The following CLEC2D variants were observed in gnomAD, a reference collection of about 807,000 sequenced individuals.
CLEC2D encodes C-type lectin related f.
CLEC2D carries 16 observed loss-of-function variants against 20.0 expected under a neutral mutation model. The ratio of observed to expected loss-of-function variants is 0.80; its 90% confidence interval spans 0.54 to 1.22. The LOEUF is 1.22. CLEC2D is among the 50% of genes most tolerant of loss of function. The pLI is 0.00. For missense variants in CLEC2D, 207 were observed against 221.5 expected, an observed-to-expected ratio of 0.93 and a Z score of 0.42; for synonymous variants, 77 against 71.1, an observed-to-expected ratio of 1.08 and a Z score of -0.42.
Position 9,695,602 on chromosome 12 carries a change from G to T in CLEC2D, c.*728G>T. The T allele has an allele frequency of 1.9e-6, 3 of 1,550,744 alleles. No individual in the cohort carries two copies. The stretch of plus-strand genomic sequence containing the variant: ...GAATGACGAAGGCAGTCCAATTAAA[G>T]TAACACTGGCAACTTTGAAAATGTC... On this transcript the variant is annotated 3_prime_UTR_variant, in exon 5 of 5. Coordinates refer to ENST00000290855, the MANE Select transcript of CLEC2D (RefSeq NM_013269.6).
Position 9,695,777 on chromosome 12 carries a change from A to T in CLEC2D, c.*903A>T. ...GAGTCAGAAGATGAAGAAGAGGAGGATGTGAAACTCTTAAGTATATCTGGA... is the reference window on the plus strand; with the variant it reads ...GAGTCAGAAGATGAAGAAGAGGAGGTTGTGAAACTCTTAAGTATATCTGGA... On this transcript the variant is annotated 3_prime_UTR_variant, in exon 5 of 5. Transcript: ENST00000290855. 1 of 1,359,490 alleles carries T rather than the reference A, an allele frequency of 7.4e-7. No homozygotes were observed. The allele number at this position is 1,359,490 out of a possible 1,614,324, so 84.2% of individuals were successfully genotyped here. A position where few individuals can be genotyped will look rare whatever the true frequency, so the allele number is the denominator to read the frequency against.
intron 2 of CLEC2D, among the ~76,000 whole-genome samples, chr12:9,683,726 G>T (rs1374893839): frequency 3.3e-5 from 5 of 152,032 alleles, no homozygotes; most frequent in Non-Finnish European, 7.4e-5. Context: ...CTGTCCATTG[G>T]TCAATATATC....
intron 1 of CLEC2D, among the ~76,000 whole-genome samples, chr12:9,680,468 T>G (rs1865611359): frequency 6.6e-6 from 1 of 152,214 alleles, no homozygotes; most frequent in African/African-American, 2.4e-5. Context: ...ATAACACTAA[T>G]TTGACCTCTA....
intron 2 of CLEC2D, among the ~76,000 whole-genome samples, chr12:9,687,168 C>T (rs1201701701): frequency 6.6e-6 from 1 of 152,128 alleles, no homozygotes; most frequent in Admixed American, 6.5e-5. Flanking sequence ...AATAATTATA[C>T]AACTCACCAT....
chr12:9,679,388 C>G (rs1031718509), intron 1 of CLEC2D, among the ~76,000 whole-genome samples: 1 of 152,018 alleles, frequency 6.6e-6, no homozygotes. Context: ...CAAGTTATCT[C>G]AATGTTTCTC....
chr12:9,677,005 C>T (rs117869546), intron 1 of CLEC2D, among the ~76,000 whole-genome samples: 2,882 of 151,580 alleles, frequency 0.019, 39 homozygotes, highest in Non-Finnish European at 0.029. Flanking sequence ...TGTGTCCTTC[C>T]TCTTTTCTTC....
intron 1 of CLEC2D, among the ~76,000 whole-genome samples, chr12:9,679,305 A>G (rs1433754804): frequency 1.3e-5 from 2 of 152,110 alleles, no homozygotes; most frequent in Non-Finnish European, 2.9e-5. Flanking sequence ...TCTAACCTGT[A>G]TAATTCTCTT....
intron 1 of CLEC2D, among the ~76,000 whole-genome samples, chr12:9,677,878 C>T (rs1012882544): frequency 6.6e-5 from 10 of 152,062 alleles, no homozygotes; most frequent in Non-Finnish European, 1.3e-4. Context: ...GCAAATACCA[C>T]CACACTTGGC....
intron 1 of CLEC2D, among the ~76,000 whole-genome samples, chr12:9,670,678 T>A (rs10844380): frequency 0.28 from 42,239 of 152,196 alleles, 6,446 homozygotes; most frequent in Middle Eastern, 0.43. Flanking sequence ...AATATTTAGT[T>A]AGACTGGATC....
chr12:9,692,724 GGAA>G (rs1329620092), intron 3 of CLEC2D, 101 bp from the exon 4 acceptor site: 2 of 692,432 alleles, frequency 2.9e-6, no homozygotes, highest in Non-Finnish European at 4.9e-6. Context: ...AAAATCAAAA[GGAA>G]GAAAATTATG....
intron 1 of CLEC2D, among the ~76,000 whole-genome samples, chr12:9,678,092 T>A (rs1332715278): frequency 6.6e-6 from 1 of 152,220 alleles, no homozygotes; most frequent in Non-Finnish European, 1.5e-5. Flanking sequence ...CGATTTCTCC[T>A]TGCAGTTCTG....
chr12:9,688,298 C>T, intron 3 of CLEC2D: 1 of 965,008 alleles, frequency 1.0e-6, no homozygotes. Context: ...CAGGAACAGG[C>T]CCAGAGGGCA....
Position 9,695,321 on chromosome 12 carries a change from C to T in CLEC2D, c.*447C>T, listed in dbSNP as rs1277861047. ...TGATTCCGTCCTGCGCGGCTGTTCT[C>T]TGGAGCAGCATTCATTTATCTTCGT... On this transcript the variant is annotated 3_prime_UTR_variant, in exon 5 of 5. Transcript: ENST00000290855. 3.4e-6 allele frequency: 3 copies of T among 869,746 alleles called. No individual in the cohort carries two copies. The highest frequency in any genetic ancestry group is 5.8e-6 in the Non-Finnish European group (3 of 521,192). The allele number at this position is 869,746 out of a possible 1,614,324, so 53.9% of individuals were successfully genotyped here. A position where few individuals can be genotyped will look rare whatever the true frequency, so the allele number is the denominator to read the frequency against.
At chr12:9,689,522 A>C (rs943107943) in intron 3 of CLEC2D, among the ~76,000 whole-genome samples, 4 of 152,214 alleles carry the variant, frequency 2.6e-5, no homozygotes, top group African/African-American at 9.6e-5. Flanking sequence ...AGAGGCTCAG[A>C]TATTAAAAAT....
chr12:9,689,945 C>G lies in CLEC2D; in HGVS notation c.357+1859C>G, dbSNP rs901412055. On this transcript the variant is annotated intron_variant, in intron 3 of 4. Coordinates refer to ENST00000290855, the MANE Select transcript of CLEC2D (RefSeq NM_013269.6). ...AGAGAAAGAGAAGCAGAGAAATACA[C>G]TTAAAGAAATAATGAACAAAACTTT... 2.6e-5 allele frequency among the ~76,000 whole-genome samples: 4 copies of G among 152,078 alleles called. 1 individual carries two copies. In the Middle Eastern group the frequency reaches 0.014, roughly 517 times the overall value.
chr12:9,681,524 AAAC>A (rs1316392096), intron 2 of CLEC2D, among the ~76,000 whole-genome samples: 1 of 152,184 alleles, frequency 6.6e-6, no homozygotes, highest in Non-Finnish European at 1.5e-5. Context: ...TCTTCCTAGA[AAAC>A]AAACTCCGTT....
intron 2 of CLEC2D, among the ~76,000 whole-genome samples, chr12:9,682,289 C>T (rs1032383745): frequency 6.6e-6 from 1 of 151,894 alleles, no homozygotes; most frequent in South Asian, 2.1e-4. Context: ...TGGTATTTCC[C>T]CATTTAAATC....
chr12:9,670,923 A>G (rs76036296), intron 1 of CLEC2D, among the ~76,000 whole-genome samples: 2 of 152,166 alleles, frequency 1.3e-5, no homozygotes, highest in South Asian at 2.1e-4. Flanking sequence ...CTAGGCATGC[A>G]TAAGTTGAGG....
At chr12:9,673,354 C>T (rs1435907047) in intron 1 of CLEC2D, among the ~76,000 whole-genome samples, 2 of 152,258 alleles carry the variant, frequency 1.3e-5, no homozygotes, top group African/African-American at 4.8e-5. Context: ...GCTGGGGATC[C>T]ACTCCAGACC....
Sources: allele counts gnomAD v4.1 joint callset (sites outside exome capture counted in the v4.1 genomes callset), GRCh38; gene constraint gnomAD v4.1.1; transcripts MANE v1.5; gene names NCBI Gene and HGNC (gene_info 2026-07-23, HGNC 2026-07-21).